The following PDE4DIP variants were observed in gnomAD, a reference collection of about 807,000 sequenced individuals.
PDE4DIP encodes the protein phosphodiesterase 4D interacting protein.
PDE4DIP carries 59 observed loss-of-function variants against 221.4 expected under a neutral mutation model. The ratio of observed to expected loss-of-function variants is 0.27; its 90% CI spans 0.22 to 0.33. The LOEUF is 0.33. Ranked by LOEUF, PDE4DIP falls within the 10% of genes least tolerant of loss-of-function variation. The pLI is 1.00. For synonymous variants in PDE4DIP, 404 were observed against 815.9 expected, an observed-to-expected ratio of 0.50 and a Z score of 8.60; for missense variants, 1,036 against 2,154.2, an observed-to-expected ratio of 0.48 and a Z score of 10.28.
intron 5 of PDE4DIP, among the ~76,000 whole-genome samples, chr1:148,954,423 A>G (rs1314709718): frequency 1.2e-4 from 19 of 152,094 alleles, no homozygotes; most frequent in African/African-American, 4.1e-4. Context: ...GGGAAAGCCT[A>G]TTAATCCACC....
intron 36 of PDE4DIP, chr1:149,020,754 G>C (rs1304904114): frequency 2.2e-5 from 10 of 448,508 alleles, no homozygotes; most frequent in Non-Finnish European, 3.6e-5. Context: ...GGAACAGTAA[G>C]GAGACTGTGC....
intron 1 of PDE4DIP, among the ~76,000 whole-genome samples, chr1:148,822,630 C>G (rs1163016907): frequency 1.4e-5 from 2 of 146,922 alleles, no homozygotes; most frequent in African/African-American, 5.0e-5. Context: ...CATGAAGTTG[C>G]CTGTTCTCTT....
At chr1:149,001,719 C>T in exon 24 of PDE4DIP, 1 of 1,496,968 alleles carries the variant, frequency 6.7e-7, no homozygotes. Flanking sequence ...ACTGTGGTAA[C>T]CAAAGAGGGT....
intron 14 of PDE4DIP, among the ~76,000 whole-genome samples, chr1:148,970,900 T>C (rs1401188579): frequency 2.6e-5 from 4 of 152,074 alleles, no homozygotes; most frequent in African/African-American, 9.7e-5. Flanking sequence ...AAGTGGAAGG[T>C]TTTTTCATAT....
chr1:149,017,547 A>G, intron 33 of PDE4DIP: 2 of 479,804 alleles, frequency 4.2e-6, no homozygotes, highest in Non-Finnish European at 3.7e-6. Context: ...TTAGCAAGTG[A>G]CTGTCATGTG....
intron 37 of PDE4DIP, chr1:149,021,723 C>T (rs1553619618): frequency 6.8e-6 from 1 of 147,550 alleles, no homozygotes; most frequent in Admixed American, 6.8e-5. Flanking sequence ...TCAGTGGGGA[C>T]CAGCCTGCCC....
At chr1:149,030,337 C>A in intron 43 of PDE4DIP, 59 bp downstream of exon 46, 2 of 1,551,352 alleles carry the variant, frequency 1.3e-6, no homozygotes, top group Non-Finnish European at 1.7e-6. Flanking sequence ...CATCACCATC[C>A]GTTAGCAGAT....
chr1:148,933,616 T>C (rs633711), intron 4 of PDE4DIP, among the ~76,000 whole-genome samples: 9 of 151,238 alleles, frequency 6.0e-5, no homozygotes, highest in South Asian at 2.1e-4. Context: ...ACTGTGGTGG[T>C]ATAAAAAGCT....
Position 149,031,932 on chromosome 1 carries a change from G to T in PDE4DIP, c.7000-12G>T, listed in dbSNP as rs781822424. 7 of 1,602,214 alleles carry T rather than the reference G, an allele frequency of 4.4e-6. No individual in the cohort carries two copies. In the East Asian group the frequency reaches 6.7e-5, roughly 15 times the overall value. ...TATACACTGATTTGGTTTGTTTTAT[G>T]TTTGTCTGCAGGTGAAATCCCTAAG... On this transcript the variant is annotated splice_polypyrimidine_tract_variant and intron_variant, in intron 43 of 43. Coordinates refer to ENST00000369354, the Ensembl canonical transcript of PDE4DIP.
chr1:148,990,580 G>A (rs1328581355), intron 21 of PDE4DIP, among the ~76,000 whole-genome samples: 8 of 151,260 alleles, frequency 5.3e-5, no homozygotes, highest in East Asian at 2.0e-4. Context: ...ACTTACTGGC[G>A]CAGCTCTAGT....
chr1:148,946,471 C>A (rs2051747514), intron 5 of PDE4DIP, among the ~76,000 whole-genome samples: 1 of 133,516 alleles, frequency 7.5e-6, no homozygotes, highest in Admixed American at 7.9e-5. Flanking sequence ...ACCTGGGAGG[C>A]AGAGGTTGCA....
chr1:149,023,616 ATATATG>A (rs2073890159), intron 37 of PDE4DIP, among the ~76,000 whole-genome samples: 1 of 145,266 alleles, frequency 6.9e-6, no homozygotes, highest in South Asian at 2.2e-4. Flanking sequence ...GTGTGCACAT[ATATATG>A]TACATGTATA....
rs1553538883 is a variant in PDE4DIP, at chr1:148,977,955, C to T, written c.2338C>T (p.Gln780Ter). 1 of 1,613,940 alleles carries T rather than the reference C, an allele frequency of 6.2e-7. No homozygotes were observed. Among genetic ancestry groups the T allele is most frequent in the Non-Finnish European group, 8.5e-7 (1 of 1,179,928 alleles). Residue 780 changes from glutamine to a stop codon, truncating the protein, a stop_gained, in exon 18 of 44, where the codon CAG becomes TAG. Coordinates refer to ENST00000369354, the Ensembl canonical transcript of PDE4DIP. LOFTEE classifies it high-confidence loss of function. ...TTCACAGATGGAACTTTCTGCTCTA[C>T]AGTCCATGATGGCTGTGCAGGAAGA...
rs1449930034 is a variant in PDE4DIP at position 148,901,881 on chromosome 1, G to T, written c.141+11987G>T. Among the ~76,000 whole-genome samples, 6 of 122,348 alleles carry T rather than the reference G, an allele frequency of 4.9e-5. 2 individuals carry two copies. Among genetic ancestry groups the T allele is most frequent in the African/African-American group, 1.8e-4 (5 of 28,310 alleles). The allele number at this position is 122,348 out of a possible 152,430, so 80.3% of individuals were successfully genotyped here. ...CACACTCCAGATTCTCATCAGTCAA[G>T]TTCAGTATCTGCCCAACACAAAAGT... On this transcript the variant is annotated intron_variant, in intron 1 of 43. Coordinates refer to ENST00000369354, the Ensembl canonical transcript of PDE4DIP.
At chr1:148,936,883 A>G (rs1359278320) in intron 4 of PDE4DIP, among the ~76,000 whole-genome samples, 11 of 152,140 alleles carry the variant, frequency 7.2e-5, no homozygotes, top group Admixed American at 6.5e-4. Context: ...GTCATCTCCT[A>G]TGATAACAAT....
intron 14 of PDE4DIP, among the ~76,000 whole-genome samples, chr1:148,970,150 C>CT (rs2151954549): frequency 6.7e-6 from 1 of 149,380 alleles, no homozygotes; most frequent in Admixed American, 6.7e-5. Flanking sequence ...TCTTTTTTGC[C>CT]TATGTTATTT....
At position 148,857,280 on chromosome 1, in the gene PDE4DIP, C is replaced by T. The variant is rs587596521; in HGVS notation, c.234-5970C>T. Among the ~76,000 whole-genome samples, 8 of 85,014 alleles carry T rather than the reference C, an allele frequency of 9.4e-5. 4 individuals are homozygous for T. The highest frequency in any genetic ancestry group is 1.5e-4 in the African/African-American group (2 of 13,544). The allele number at this position is 85,014 out of a possible 152,430, so 55.8% of individuals were successfully genotyped here. Reference sequence around the variant, plus strand: ...TATATTTTCCGCCACTCTAAACCTCCGGACTTTTTATTTCTCTGCGTTCTT... The same window carrying T: ...TATATTTTCCGCCACTCTAAACCTCTGGACTTTTTATTTCTCTGCGTTCTT... On this transcript the variant is annotated intron_variant, in intron 1 of 45. Coordinates refer to the PDE4DIP transcript ENST00000524974.
At chr1:148,867,280 G>A (rs1778700) in intron 2 of PDE4DIP, among the ~76,000 whole-genome samples, 2 of 49,046 alleles carry the variant, frequency 4.1e-5, no homozygotes, top group Non-Finnish European at 8.1e-5. Context: ...TGCTAAGAAA[G>A]ACAGATGGAG....
Position 148,999,933 on chromosome 1 carries a change from A to AG in PDE4DIP, c.3137+1559dup, listed in dbSNP as rs1236658401. 1.1e-3 allele frequency among the ~76,000 whole-genome samples: 160 copies of AG among 147,782 alleles called. 1 individual carries two copies. Among genetic ancestry groups the AG allele is most frequent in the East Asian group, 7.9e-4 (3 of 3,800 alleles). On this transcript the variant is annotated intron_variant, in intron 23 of 43. Transcript: ENST00000369354. Reference sequence around the variant, plus strand: ...TTATTTGTTTGTATTTAAAAATATCAGTTTTTTTTAATATGAAGTTAGAAC... The same window carrying AG: ...TTATTTGTTTGTATTTAAAAATATCAGGTTTTTTTTAATATGAAGTTAGAAC...
Sources: allele counts gnomAD v4.1 joint callset (sites outside exome capture counted in the v4.1 genomes callset), GRCh38; gene constraint gnomAD v4.1.1; transcripts MANE v1.5; gene names NCBI Gene and HGNC (gene_info 2026-07-23, HGNC 2026-07-21).